The following SAMMSON variants were observed in gnomAD, a reference collection of about 807,000 sequenced individuals.
SAMMSON encodes the protein survival associated mitochondrial melanoma specific oncogenic non-coding RNA.
intron 3 of SAMMSON, among the ~76,000 whole-genome samples, chr3:70,041,687 T>C (rs1239180415): frequency 1.3e-5 from 2 of 152,086 alleles, no homozygotes; most frequent in Non-Finnish European, 2.9e-5. Flanking sequence ...AAAAATACAC[T>C]ATAACAACAA....
At chr3:70,096,947 T>C (rs1428053724) in intron 4 of SAMMSON, among the ~76,000 whole-genome samples, 4 of 152,166 alleles carry the variant, frequency 2.6e-5, no homozygotes, top group South Asian at 2.1e-4. Flanking sequence ...ATTTTCTGAA[T>C]TGAAAATACA....
intron 4 of SAMMSON, among the ~76,000 whole-genome samples, chr3:70,101,387 A>C (rs906285343): frequency 1.3e-5 from 2 of 151,330 alleles, no homozygotes; most frequent in African/African-American, 4.9e-5. Context: ...AATATTGGGG[A>C]CATTTTTTAT....
At chr3:70,305,289 C>T (rs1264951331) in intron 7 of SAMMSON, among the ~76,000 whole-genome samples, 2 of 152,178 alleles carry the variant, frequency 1.3e-5, no homozygotes, top group Admixed American at 6.5e-5. Flanking sequence ...TTTCTTCACC[C>T]CTATTTTTGT....
intron 9 of SAMMSON, among the ~76,000 whole-genome samples, chr3:70,383,136 G>C (rs188178732): frequency 1.3e-5 from 2 of 152,030 alleles, no homozygotes; most frequent in East Asian, 3.9e-4. Flanking sequence ...ATCTCTTTAT[G>C]ATTTAAAATA....
chr3:70,418,971 T>TTTCCTTTCCTTTCCTTTCCTTTCCTC (rs1701287819), intron 2 of SAMMSON, among the ~76,000 whole-genome samples: 1 of 51,200 alleles, frequency 2.0e-5, no homozygotes, highest in Non-Finnish European at 5.3e-5. Flanking sequence ...TTTCCTTTCC[T>TTTCCTTTCCTTTCCTTTCCTTTCCTC]TCCTTCCTTC....
intron 4 of SAMMSON, among the ~76,000 whole-genome samples, chr3:70,180,230 A>G (rs1273229365): frequency 2.0e-5 from 3 of 152,158 alleles, no homozygotes; most frequent in South Asian, 2.1e-4. Flanking sequence ...AGATAAAATG[A>G]GTATAGTAAT....
intron 4 of SAMMSON, among the ~76,000 whole-genome samples, chr3:70,162,266 G>A (rs1014767035): frequency 2.6e-5 from 4 of 151,554 alleles, no homozygotes; most frequent in African/African-American, 9.7e-5. Context: ...TTAAATATAG[G>A]CATTTAAAAC....
intron 4 of SAMMSON, among the ~76,000 whole-genome samples, chr3:70,145,364 C>T (rs925253194): frequency 6.6e-6 from 1 of 152,100 alleles, no homozygotes; most frequent in Non-Finnish European, 1.5e-5. Context: ...ATCAAATTGA[C>T]GTTTTTAAAA....
chr3:70,154,615 A>G (rs997665067), intron 4 of SAMMSON, among the ~76,000 whole-genome samples: 1 of 152,112 alleles, frequency 6.6e-6, no homozygotes, highest in Admixed American at 6.6e-5. Context: ...GAAAATAATA[A>G]AAGATGACTC....
intron 7 of SAMMSON, among the ~76,000 whole-genome samples, chr3:70,352,855 C>A (rs551899565): frequency 1.3e-5 from 2 of 151,958 alleles, no homozygotes; most frequent in Admixed American, 6.6e-5. Context: ...CTATAGAAAT[C>A]AAAACTGTGT....
chr3:70,418,985 C>CCTTTCCTTCCT (rs1559585579), intron 2 of SAMMSON, among the ~76,000 whole-genome samples: 1 of 120,586 alleles, frequency 8.3e-6, no homozygotes, highest in African/African-American at 3.2e-5. Flanking sequence ...TTCCTTCTCT[C>CCTTTCCTTCCT]TCTCTCTCTC....
intron 4 of SAMMSON, among the ~76,000 whole-genome samples, chr3:70,195,645 T>A (rs1701169156): frequency 6.6e-6 from 1 of 152,202 alleles, no homozygotes; most frequent in East Asian, 1.9e-4. Context: ...TTCCCTCAAT[T>A]CTCCATTTCA....
chr3:70,380,115 GAA>G (rs1308244785), intron 9 of SAMMSON, among the ~76,000 whole-genome samples: 1 of 151,662 alleles, frequency 6.6e-6, no homozygotes, highest in Non-Finnish European at 1.5e-5. Context: ...ACAATTCAAA[GAA>G]AAAAAATTAC....
chr3:70,363,100 T>G (rs1030655182), intron 9 of SAMMSON, among the ~76,000 whole-genome samples: 2 of 151,812 alleles, frequency 1.3e-5, no homozygotes, highest in Non-Finnish European at 2.9e-5. Flanking sequence ...TAAAGAAGAA[T>G]AGAAAACAGG....
chr3:70,077,321 A>G (rs1038373862), intron 4 of SAMMSON, among the ~76,000 whole-genome samples: 4 of 152,174 alleles, frequency 2.6e-5, no homozygotes, highest in East Asian at 1.9e-4. Flanking sequence ...TGTTAACAAG[A>G]CTATTAATTT....
chr3:70,019,138 G>C (rs923458972), intron 3 of SAMMSON, among the ~76,000 whole-genome samples: 26 of 152,118 alleles, frequency 1.7e-4, no homozygotes, highest in Non-Finnish European at 3.2e-4. Context: ...GGATATCCTT[G>C]TTAACTTTCT....
At chr3:70,363,504 T>C (rs186957476) in intron 9 of SAMMSON, among the ~76,000 whole-genome samples, 4 of 152,106 alleles carry the variant, frequency 2.6e-5, no homozygotes, top group Non-Finnish European at 4.4e-5. Context: ...GTACAACATC[T>C]ACAGTCAAGA....
At chr3:70,387,373 C>G (rs1575638952) in intron 9 of SAMMSON, among the ~76,000 whole-genome samples, 1 of 151,948 alleles carries the variant, frequency 6.6e-6, no homozygotes, top group Non-Finnish European at 1.5e-5. Context: ...ATGAAGGAGA[C>G]TCTGTCCTGT....
At chr3:70,114,827 T>G (rs1385707040) in intron 4 of SAMMSON, among the ~76,000 whole-genome samples, 1 of 152,226 alleles carries the variant, frequency 6.6e-6, no homozygotes, top group Non-Finnish European at 1.5e-5. Context: ...AGATATCAAT[T>G]CTTTAAGTGA....
Sources: allele counts gnomAD v4.1 joint callset (sites outside exome capture counted in the v4.1 genomes callset), GRCh38; gene constraint gnomAD v4.1.1; transcripts MANE v1.5; gene names NCBI Gene and HGNC (gene_info 2026-07-23, HGNC 2026-07-21).